DNAH11: variants seen among roughly 807,000 people sequenced by gnomAD.
The protein encoded by DNAH11 is dynein axonemal heavy chain 11.
In DNAH11, 442 loss-of-function variants were observed where a neutral mutation model predicts 526.0. That is an observed-to-expected ratio of 0.84 (90% confidence interval 0.78 to 0.91). The LOEUF is 0.91. Among genes scored for constraint, DNAH11 ranks in the 40% least tolerant of loss-of-function variants. The pLI is 0.00. For missense variants in DNAH11, 6,989 were observed against 5,448.7 expected (o/e 1.28, Z -8.90); for synonymous variants, 2,461 against 1,935.9 (o/e 1.27, Z -7.12).
In DNAH11 at chr7:21,705,480, G is replaced by C. The variant is rs774206120; in HGVS notation, c.6489G>C (p.Leu2163=). ...FILKVVQLEE[L]LAVRHSVFVV... The stretch of plus-strand genomic sequence containing the variant: ...TGCAGGTTGTCCAGCTTGAGGAACT[G>C]TTGGCTGTGCGGCACTCGGTCTTTG... Residue 2163 remains leucine (L), a synonymous_variant, in exon 39 of 82, where the codon CTG becomes CTC. Coordinates refer to ENST00000409508, the MANE Select transcript of DNAH11 (RefSeq NM_001277115.2). 3.1e-6 allele frequency: 5 copies of C among 1,613,594 alleles called. No homozygotes were observed. In the East Asian group the frequency reaches 8.9e-5, roughly 29 times the overall value.
chr7:21,832,870 A>T (rs187391390), intron 65 of DNAH11, among the ~76,000 whole-genome samples: 1 of 152,202 alleles, frequency 6.6e-6, no homozygotes, highest in African/African-American at 2.4e-5. Flanking sequence ...TGATCCTTTT[A>T]CAGGAAAATT....
intron 9 of DNAH11, among the ~76,000 whole-genome samples, chr7:21,585,559 T>C (rs1784454476): frequency 6.6e-6 from 1 of 152,186 alleles, no homozygotes; most frequent in Non-Finnish European, 1.5e-5. Context: ...CTTTAAAATC[T>C]GAAGTGCTGG....
chr7:21,597,037 A>C (rs1413708089), intron 14 of DNAH11, among the ~76,000 whole-genome samples: 1 of 152,196 alleles, frequency 6.6e-6, no homozygotes. Flanking sequence ...TGCCTTTTGC[A>C]TGCTGCATGT....
chr7:21,744,501 C>A lies in DNAH11; in HGVS notation c.8218C>A (p.His2740Asn). 6.2e-7 allele frequency: 1 copy of A among 1,613,916 alleles called. No individual in the cohort carries two copies. The highest frequency in any genetic ancestry group is 1.1e-5 in the South Asian group (1 of 91,072). The stretch of plus-strand genomic sequence containing the variant: ...ACTTGATTTAATACATCTGTGGCTT[C>A]ATGAATCTGCCCGTGTTTATGGAGA... Reference protein sequence around the residue: ...GPLDLIHLWLHESARVYGDKL... With the variant: ...GPLDLIHLWLNESARVYGDKL... Residue 2740 changes from histidine (H) to asparagine (N), a missense_variant, in exon 50 of 82, where the codon CAT becomes AAT. Transcript: ENST00000409508.
chr7:21,558,596 A>G (rs1196645556), intron 2 of DNAH11, among the ~76,000 whole-genome samples: 1 of 152,252 alleles, frequency 6.6e-6, no homozygotes, highest in Non-Finnish European at 1.5e-5. Flanking sequence ...TGAATGAACA[A>G]GCAGTATGCT....
chr7:21,877,657 C>T (rs899977723), intron 74 of DNAH11, among the ~76,000 whole-genome samples: 9 of 151,884 alleles, frequency 5.9e-5, no homozygotes, highest in Admixed American at 3.3e-4. Flanking sequence ...GGGCGGATCA[C>T]GAGGTCAGGA....
chr7:21,633,143 A>T (rs111773644), intron 25 of DNAH11, among the ~76,000 whole-genome samples: 6,859 of 152,272 alleles, frequency 0.045, 178 homozygotes, highest in African/African-American at 0.055. Context: ...CCATGATTCA[A>T]TTACCTCCCA....
At chr7:21,772,692 C>G (rs1270453974) in intron 55 of DNAH11, among the ~76,000 whole-genome samples, 1 of 152,098 alleles carries the variant, frequency 6.6e-6, no homozygotes, top group East Asian at 1.9e-4. Flanking sequence ...TACATTATTT[C>G]AGTTACTAGT....
intron 74 of DNAH11, 127 bp from the exon 75 acceptor site, chr7:21,880,575 C>A (rs376181450): frequency 4.5e-6 from 4 of 884,888 alleles, no homozygotes; most frequent in Middle Eastern, 3.5e-4. Context: ...GGATAAGTAG[C>A]CATGCTGAAG....
intron 47 of DNAH11, 72 bp downstream of exon 47, chr7:21,738,938 A>C: frequency 1.6e-6 from 2 of 1,251,628 alleles, no homozygotes; most frequent in Non-Finnish European, 2.1e-6. Flanking sequence ...ACTATGGATG[A>C]ATAATTATTA....
chr7:21,563,165 A>G (rs146436938), intron 5 of DNAH11, among the ~76,000 whole-genome samples: 4 of 152,246 alleles, frequency 2.6e-5, no homozygotes, highest in Admixed American at 2.6e-4. Context: ...TTAAATATTT[A>G]AATTTTTTTT....
chr7:21,801,004 A>T, intron 61 of DNAH11, 133 bp from the exon 62 acceptor site: 2 of 896,818 alleles, frequency 2.2e-6, no homozygotes, highest in Non-Finnish European at 3.5e-6. Context: ...TAAAATACGT[A>T]TGGTAAAGGG....
chr7:21,690,842 G>C lies in DNAH11; in HGVS notation c.6002G>C (p.Gly2001Ala). 1 of 1,612,754 alleles carries C rather than the reference G, an allele frequency of 6.2e-7. No homozygotes were observed. Among genetic ancestry groups the C allele is most frequent in the Non-Finnish European group, 8.5e-7 (1 of 1,179,464 alleles). ...ATTACTATGAACCCGGGTTATGCTG[G>C]TCGAACCGAATTACCGGAAAATCTC... Reference protein sequence around the residue: ...IFITMNPGYAGRTELPENLKA... With the variant: ...IFITMNPGYAARTELPENLKA... The change falls in exon 35 of 82, where the codon GGT becomes GCT. Residue 2001 changes from glycine (G) to alanine (A), a missense_variant. Coordinates refer to ENST00000409508, the MANE Select transcript of DNAH11 (RefSeq NM_001277115.2).
rs761664847 is a variant in DNAH11, at chr7:21,601,426, G to C, written c.3456G>C (p.Glu1152Asp). Residue 1152 changes from glutamate (E) to aspartate (D), a missense_variant, in exon 18 of 82, where the codon GAG becomes GAC. By Grantham distance (45) the Glu-to-Asp change is conservative. Coordinates refer to ENST00000409508, the MANE Select transcript of DNAH11 (RefSeq NM_001277115.2). ...SLNELQEFIK[E>D]TDSGLQRELN... ...ATGAGCTACAAGAATTTATAAAGGA[G>C]ACAGATTCCGGACTTCAGAGAGAAT... The C allele has an allele frequency of 1.2e-6, 2 of 1,613,212 alleles. No homozygotes were observed. Among genetic ancestry groups the C allele is most frequent in the Admixed American group, 3.3e-5 (2 of 59,984 alleles).
intron 29 of DNAH11, among the ~76,000 whole-genome samples, chr7:21,656,770 G>T (rs1351828399): frequency 6.6e-6 from 1 of 152,072 alleles, no homozygotes; most frequent in Non-Finnish European, 1.5e-5. Context: ...ATTTCACAAG[G>T]GTTTTCTTTA....
chr7:21,770,147 GAT>G (rs1227409570), intron 55 of DNAH11, among the ~76,000 whole-genome samples: 6 of 152,142 alleles, frequency 3.9e-5, no homozygotes, highest in Non-Finnish European at 8.8e-5. Flanking sequence ...TAGCAGAACT[GAT>G]AGAGGTTCAG....
Position 21,591,552 on chromosome 7 carries a change from G to T in DNAH11, c.2642G>T (p.Gly881Val). The change falls in exon 14 of 82, where the codon GGC becomes GTC. Residue 881 changes from glycine (G) to valine (V), a missense_variant. Gly to Val is a moderately radical substitution (Grantham distance 109). Coordinates refer to ENST00000409508, the MANE Select transcript of DNAH11 (RefSeq NM_001277115.2). ...AAATACAAGTTAATCCAAGGAGATGGCTGCAAGATCCACAACTTGGTCGAG... is the reference window on the plus strand; with the variant it reads ...AAATACAAGTTAATCCAAGGAGATGTCTGCAAGATCCACAACTTGGTCGAG... The part of the protein sequence containing the change: ...TKKYKLIQGD[G>V]CKIHNLVEEN... 1.3e-6 allele frequency: 2 copies of T among 1,575,916 alleles called. No homozygotes were observed. The highest frequency in any genetic ancestry group is 1.7e-6 in the Non-Finnish European group (2 of 1,156,826).
chr7:21,792,783 T>G (rs1788532210), intron 61 of DNAH11, among the ~76,000 whole-genome samples: 1 of 152,154 alleles, frequency 6.6e-6, no homozygotes, highest in African/African-American at 2.4e-5. Flanking sequence ...TCTCTCCTTT[T>G]TTTGCTTTAT....
At chr7:21,584,919 T>C (rs567649473) in intron 9 of DNAH11, among the ~76,000 whole-genome samples, 53 of 149,918 alleles carry the variant, frequency 3.5e-4, no homozygotes, top group Non-Finnish European at 7.5e-4. Context: ...CTACTGGAAC[T>C]AGTTTTCTTT....
Sources: gnomAD v4.1 joint callset for allele counts (sites outside exome capture counted in the v4.1 genomes callset) on GRCh38, gnomAD v4.1.1 for gene constraint, MANE v1.5 for transcripts, NCBI Gene and HGNC (gene_info 2026-07-23, HGNC 2026-07-21) for gene names.